The following MCU variants were observed in gnomAD, a reference collection of about 807,000 sequenced individuals.
The protein encoded by MCU is calcium uniporter protein, mitochondrial.
MCU carries 12 observed loss-of-function variants against 45.2 expected under a neutral mutation model. That is an observed-to-expected ratio of 0.27 (90% confidence interval 0.17 to 0.43). MCU has a LOEUF of 0.43. Ranked by LOEUF, MCU falls within the 20% of genes least tolerant of loss-of-function variation. The pLI is 1.00. For synonymous variants in MCU, 160 were observed against 165.1 expected, an observed-to-expected ratio of 0.97 and a Z score of 0.24; for missense variants, 324 against 436.7, an observed-to-expected ratio of 0.74 and a Z score of 2.30.
chr10:72,876,329 G>T (rs986958172), intron 6 of MCU, among the ~76,000 whole-genome samples: 1 of 151,966 alleles, frequency 6.6e-6, no homozygotes, highest in African/African-American at 2.4e-5. Flanking sequence ...ACTTTTTACT[G>T]TCACCTTCCT....
intron 1 of MCU, among the ~76,000 whole-genome samples, chr10:72,705,976 C>G (rs1376002658): frequency 6.9e-6 from 1 of 143,964 alleles, no homozygotes; most frequent in Non-Finnish European, 1.6e-5. Context: ...GAGCAAGACT[C>G]TCTCTCAAAA....
At chr10:72,698,812 C>CT (rs971979077) in intron 1 of MCU, among the ~76,000 whole-genome samples, 22 of 151,216 alleles carry the variant, frequency 1.5e-4, no homozygotes, top group Admixed American at 5.9e-4. Flanking sequence ...GCCCTTTATT[C>CT]TTTTTTTTTG....
intron 1 of MCU, among the ~76,000 whole-genome samples, chr10:72,736,819 G>A (rs896447424): frequency 6.6e-6 from 1 of 152,198 alleles, no homozygotes; most frequent in African/African-American, 2.4e-5. Context: ...CAGGCATTTA[G>A]CAGTCTAAAT....
intron 1 of MCU, among the ~76,000 whole-genome samples, chr10:72,791,840 C>CAAAAAA (rs35024051): frequency 7.0e-6 from 1 of 142,176 alleles, no homozygotes. Context: ...TTCTAAATGC[C>CAAAAAA]AAAAAAAAAA....
At chr10:72,755,141 C>T (rs6480639) in intron 1 of MCU, among the ~76,000 whole-genome samples, 84,216 of 147,358 alleles carry the variant, frequency 0.57, 25,454 homozygotes, top group Non-Finnish European at 0.67. Context: ...ATATGTGAAC[C>T]TGAGATTTTT....
chr10:72,831,923 A>G (rs948533329), intron 1 of MCU, among the ~76,000 whole-genome samples: 2 of 152,172 alleles, frequency 1.3e-5, no homozygotes, highest in Admixed American at 6.6e-5. Context: ...AGATAATGGG[A>G]TATCAGAGAA....
intron 1 of MCU, among the ~76,000 whole-genome samples, chr10:72,696,484 G>A (rs1842689335): frequency 6.6e-6 from 1 of 152,038 alleles, no homozygotes; most frequent in Admixed American, 6.6e-5. Flanking sequence ...ACATTTCCTA[G>A]TTTGAATCTT....
intron 4 of MCU, among the ~76,000 whole-genome samples, chr10:72,868,252 T>G (rs577933636): frequency 9.2e-5 from 14 of 152,270 alleles, no homozygotes; most frequent in Non-Finnish European, 1.6e-4. Flanking sequence ...CTTTTTTGTT[T>G]TAACAAAAAC....
intron 6 of MCU, among the ~76,000 whole-genome samples, chr10:72,875,972 CATAAACAG>C (rs1311371834): frequency 1.3e-5 from 2 of 152,056 alleles, no homozygotes; most frequent in Admixed American, 6.5e-5. Context: ...TATTATAATG[CATAAACAG>C]ATAAACAGTA....
intron 1 of MCU, among the ~76,000 whole-genome samples, chr10:72,740,193 A>C (rs1439359318): frequency 6.6e-6 from 1 of 151,830 alleles, no homozygotes. Context: ...CATCTGGCCA[A>C]CATGATGAAA....
intron 1 of MCU, among the ~76,000 whole-genome samples, chr10:72,706,208 A>G (rs912188762): frequency 6.7e-6 from 1 of 150,364 alleles, no homozygotes; most frequent in Non-Finnish European, 1.5e-5. Flanking sequence ...TGAGCATTGT[A>G]TGATGGTCTT....
At chr10:72,728,658 G>A (rs989729677) in intron 1 of MCU, among the ~76,000 whole-genome samples, 1 of 152,162 alleles carries the variant, frequency 6.6e-6, no homozygotes, top group Non-Finnish European at 1.5e-5. Flanking sequence ...CTAATGTGGT[G>A]GGAGTGTGGG....
At chr10:72,875,076 G>A (rs1453903377) in intron 6 of MCU, among the ~76,000 whole-genome samples, 1 of 152,082 alleles carries the variant, frequency 6.6e-6, no homozygotes, top group East Asian at 1.9e-4. Context: ...TGAGGAAACT[G>A]AGTCTCCAAG....
intron 1 of MCU, among the ~76,000 whole-genome samples, chr10:72,788,687 GCTTT>G (rs1844113958): frequency 6.6e-6 from 1 of 152,164 alleles, no homozygotes; most frequent in African/African-American, 2.4e-5. Flanking sequence ...TTCATCTCGT[GCTTT>G]CTATTTGGAA....
chr10:72,805,167 C>CTTTCTTTCTTTT (rs1564562343), intron 1 of MCU, among the ~76,000 whole-genome samples: 1 of 138,350 alleles, frequency 7.2e-6, no homozygotes, highest in Non-Finnish European at 1.5e-5. Flanking sequence ...TTCTGTCTCT[C>CTTTCTTTCTTTT]TCTCTCTCTC....
intron 1 of MCU, among the ~76,000 whole-genome samples, chr10:72,813,922 A>AT (rs906321519): frequency 6.6e-6 from 1 of 152,086 alleles, no homozygotes; most frequent in Non-Finnish European, 1.5e-5. Context: ...ATACATACAT[A>AT]TTTTTTAAAC....
chr10:72,693,517 T>C (rs963205602), intron 1 of MCU, among the ~76,000 whole-genome samples: 1 of 152,182 alleles, frequency 6.6e-6, no homozygotes, highest in Admixed American at 6.5e-5. Flanking sequence ...GAACTGGAGC[T>C]CTTCGGAGAG....
At chr10:72,872,877 A>G (rs1845564474) in intron 6 of MCU, among the ~76,000 whole-genome samples, 1 of 152,024 alleles carries the variant, frequency 6.6e-6, no homozygotes, top group Admixed American at 6.5e-5. Context: ...ACTAATTTAC[A>G]TTCCCAGCAT....
At chr10:72,759,683 A>G (rs1394297600) in intron 1 of MCU, among the ~76,000 whole-genome samples, 1 of 152,196 alleles carries the variant, frequency 6.6e-6, no homozygotes, top group Non-Finnish European at 1.5e-5. Flanking sequence ...TTTACATATT[A>G]TAGGGTTGAA....
Sources: allele counts gnomAD v4.1 joint callset (sites outside exome capture counted in the v4.1 genomes callset), GRCh38; gene constraint gnomAD v4.1.1; transcripts MANE v1.5; gene names NCBI Gene and HGNC (gene_info 2026-07-23, HGNC 2026-07-21).